The following PRLR variants were observed in gnomAD, a reference collection of about 807,000 sequenced individuals.
The protein encoded by PRLR is hPRL receptor.
PRLR carries 13 observed loss-of-function variants against 40.2 expected under a neutral mutation model. The observed-to-expected ratio is 0.32, with a 90% CI of 0.21 to 0.51. The LOEUF is 0.51. Ranked by LOEUF, PRLR falls within the 20% of genes least tolerant of loss-of-function variation. PRLR has a pLI of 0.97. For synonymous variants in PRLR, 269 were observed against 278.7 expected, an observed-to-expected ratio of 0.97 and a Z score of 0.35; for missense variants, 656 against 747.3, an observed-to-expected ratio of 0.88 and a Z score of 1.42.
At chr5:35,093,079 C>G (rs1172357642) in intron 2 of PRLR, among the ~76,000 whole-genome samples, 1 of 152,152 alleles carries the variant, frequency 6.6e-6, no homozygotes, top group Non-Finnish European at 1.5e-5. Context: ...TCTTCATTCT[C>G]CCTTCCATTA....
rs1045324170 is a variant in PRLR, at chr5:35,057,939, A to T, written c.*7150T>A. On this transcript the variant is annotated 3_prime_UTR_variant, in exon 10 of 10. Coordinates refer to ENST00000618457, the MANE Select transcript of PRLR (RefSeq NM_000949.7). ...TCAATTTGTAAGAGATATCATTATC[A>T]TGGCTTTGGACAACTATGAGGTGAC... The T allele has an allele frequency of 1.3e-5, 2 of 152,150 alleles. No homozygotes were observed. The highest frequency in any genetic ancestry group is 4.8e-5 in the African/African-American group (2 of 41,440). 9.4% of individuals were successfully genotyped at this position (152,150 alleles called of 1,614,324 possible).
chr5:35,093,670 C>T (rs1561290956), intron 2 of PRLR, among the ~76,000 whole-genome samples: 1 of 152,158 alleles, frequency 6.6e-6, no homozygotes, highest in South Asian at 2.1e-4. Context: ...AGGCCCAATC[C>T]AACATTTGAA....
rs147394838 is a variant in PRLR, at chr5:35,079,676, G to T, written c.373+4794C>A. 9.2e-3 allele frequency among the ~76,000 whole-genome samples: 1,406 copies of T among 152,230 alleles called. 12 individuals are homozygous for T. Among genetic ancestry groups the T allele is most frequent in the Middle Eastern group, 0.024 (7 of 294 alleles). On this transcript the variant is annotated intron_variant, in intron 5 of 9. Coordinates refer to ENST00000618457, the MANE Select transcript of PRLR (RefSeq NM_000949.7). ...CAAGCTACCAATGACTTTCTTCACA[G>T]AATTGGAAAAAACTAAAGTTCATGT...
chr5:35,077,543 G>C (rs1770193603), intron 5 of PRLR, among the ~76,000 whole-genome samples: 1 of 152,058 alleles, frequency 6.6e-6, no homozygotes. Context: ...GGAGCACCCA[G>C]ATTCATAAAG....
chr5:35,214,483 G>A (rs1776240262), intron 1 of PRLR, among the ~76,000 whole-genome samples: 1 of 152,200 alleles, frequency 6.6e-6, no homozygotes, highest in Non-Finnish European at 1.5e-5. Flanking sequence ...CTATAGATGA[G>A]AAGTTTCTCA....
At chr5:35,196,451 C>T (rs922175922) in intron 1 of PRLR, among the ~76,000 whole-genome samples, 1 of 152,230 alleles carries the variant, frequency 6.6e-6, no homozygotes, top group African/African-American at 2.4e-5. Context: ...TTTTGGGATC[C>T]ATAAGGCCAA....
rs1389212056 is a variant in PRLR, at chr5:35,113,477, C to CCATCCATCCATG, written c.-44+4583_-44+4584insCATGGATGGATG. Among the ~76,000 whole-genome samples, 94 of 147,992 alleles carry CCATCCATCCATG rather than the reference C, an allele frequency of 6.4e-4. 1 individual carries two copies. Among genetic ancestry groups the CCATCCATCCATG allele is most frequent in the African/African-American group, 2.1e-3 (83 of 40,164 alleles). ...TCCATCCATCCATCCATCCATCCAT[C>CCATCCATCCATG]CATCCATCCATCCACCCACCCACCT... On this transcript the variant is annotated intron_variant, in intron 2 of 9. Transcript: ENST00000618457.
intron 1 of PRLR, among the ~76,000 whole-genome samples, chr5:35,218,403 T>C (rs1776336756): frequency 6.6e-6 from 1 of 150,596 alleles, no homozygotes; most frequent in Non-Finnish European, 1.5e-5. Flanking sequence ...ATAATTAAAA[T>C]ATATAACTAG....
chr5:35,072,536 A>G, intron 6 of PRLR, 39 bp downstream of exon 6: 1 of 1,586,828 alleles, frequency 6.3e-7, no homozygotes, highest in Non-Finnish European at 8.6e-7. Context: ...ATCCTTGCCA[A>G]AGGCCATAGT....
intron 1 of PRLR, among the ~76,000 whole-genome samples, chr5:35,229,498 C>A (rs2111703443): frequency 6.6e-6 from 1 of 152,310 alleles, no homozygotes; most frequent in African/African-American, 2.4e-5. Context: ...CCTTCCCCTG[C>A]CGTAGCACTC....
intron 1 of PRLR, among the ~76,000 whole-genome samples, chr5:35,229,712 T>C (rs973392230): frequency 2.0e-5 from 3 of 152,096 alleles, no homozygotes; most frequent in Non-Finnish European, 4.4e-5. Flanking sequence ...GAGCAACACC[T>C]TTCAGGTCAG....
chr5:35,222,192 A>C (rs1776440583), intron 1 of PRLR, among the ~76,000 whole-genome samples: 2 of 151,960 alleles, frequency 1.3e-5, no homozygotes, highest in African/African-American at 4.8e-5. Flanking sequence ...AGTCCCAGCT[A>C]CTCGGGAGGC....
In PRLR at chr5:35,056,077, T is replaced by G. The variant is rs535923222; in HGVS notation, c.*9012A>C. On this transcript the variant is annotated 3_prime_UTR_variant, in exon 10 of 10. Coordinates refer to ENST00000618457, the MANE Select transcript of PRLR (RefSeq NM_000949.7). ...TCTTTCCTTTTCTTAAGAAAATATT[T>G]TATCACATTCGTAAAAGTATCTGTG... The G allele has an allele frequency of 6.6e-6, 1 of 152,338 alleles. No homozygotes were observed. The highest frequency in any genetic ancestry group is 2.4e-5 in the African/African-American group (1 of 41,586). The allele number at this position is 152,338 out of a possible 1,614,324, so 9.4% of individuals were successfully genotyped here.
At chr5:35,211,390 G>C (rs1199557577) in intron 1 of PRLR, among the ~76,000 whole-genome samples, 1 of 152,208 alleles carries the variant, frequency 6.6e-6, no homozygotes, top group African/African-American at 2.4e-5. Context: ...AAGACCTGAA[G>C]AGACAGTGAT....
chr5:35,117,266 T>C (rs59336322), intron 2 of PRLR, among the ~76,000 whole-genome samples: 38,647 of 152,088 alleles, frequency 0.25, 9,449 homozygotes, highest in African/African-American at 0.64. Flanking sequence ...CTAGTAAGTT[T>C]CCCTAGATGG....
chr5:35,223,616 T>C lies in PRLR; in HGVS notation c.-106+6652A>G, dbSNP rs1002691249. Among the ~76,000 whole-genome samples the C allele has an allele frequency of 5.3e-5, 8 of 152,254 alleles. No individual in the cohort carries two copies. In the East Asian group the frequency reaches 1.3e-3, roughly 26 times the overall value. On this transcript the variant is annotated intron_variant, in intron 1 of 9. Coordinates refer to ENST00000618457, the MANE Select transcript of PRLR (RefSeq NM_000949.7). Reference sequence around the variant, plus strand: ...GTGTCTTTAGGCTTCCAGCCCTCAATGCCCATTTTCTACTTTGTCTTTCTT... The same window carrying C: ...GTGTCTTTAGGCTTCCAGCCCTCAACGCCCATTTTCTACTTTGTCTTTCTT...
At chr5:35,070,057 A>T (rs1769646336) in intron 7 of PRLR, 67 bp downstream of exon 7, 9 of 1,530,226 alleles carry the variant, frequency 5.9e-6, no homozygotes, top group African/African-American at 4.2e-5. Flanking sequence ...ATTAGTAGTT[A>T]TTATATGCAA....
At chr5:35,185,153 T>C (rs955377982) in intron 1 of PRLR, among the ~76,000 whole-genome samples, 2 of 152,258 alleles carry the variant, frequency 1.3e-5, no homozygotes, top group African/African-American at 4.8e-5. Flanking sequence ...GGCCCTTCTC[T>C]TCATTTCTGA....
At chr5:35,217,655 G>T (rs967660010) in intron 1 of PRLR, among the ~76,000 whole-genome samples, 12 of 152,244 alleles carry the variant, frequency 7.9e-5, no homozygotes, top group African/African-American at 2.6e-4. Context: ...AGGAGAGGGG[G>T]ACATTTTTAT....
Sources: allele counts gnomAD v4.1 joint callset (sites outside exome capture counted in the v4.1 genomes callset), GRCh38; gene constraint gnomAD v4.1.1; transcripts MANE v1.5; gene names NCBI Gene and HGNC (gene_info 2026-07-23, HGNC 2026-07-21).